Variants in TFEC observed in about 807,000 individuals in gnomAD.
TFEC encodes the protein transcription factor EC.
A neutral mutation model predicts 41.6 loss-of-function variants in TFEC; 31 were observed. The observed-to-expected ratio is 0.74, with a 90% CI of 0.56 to 1.01. The LOEUF (loss-of-function observed/expected upper bound fraction) is 1.01. Among genes scored for constraint, TFEC ranks in the 50% least tolerant of loss-of-function variants. The pLI is 0.00. For synonymous variants in TFEC, 143 were observed against 140.6 expected (o/e 1.02, Z -0.12); for missense variants, 402 against 404.1 (o/e 0.99, Z 0.04).
rs1161595993 is a variant in TFEC at position 115,940,480 on chromosome 7, A to C, written c.*71T>G. Reference sequence around the variant, plus strand: ...AAAAATAAGCCAAAGCAACATATGAAACACAGAGCATAATTGCATAGCACC... The same window carrying C: ...AAAAATAAGCCAAAGCAACATATGACACACAGAGCATAATTGCATAGCACC... On this transcript the variant is annotated 3_prime_UTR_variant, in exon 8 of 8. Transcript: ENST00000265440. The C allele has an allele frequency of 6.8e-7, 1 of 1,474,212 alleles. No homozygotes were observed. Among genetic ancestry groups the C allele is most frequent in the East Asian group, 2.3e-5 (1 of 43,432 alleles). The allele number at this position is 1,474,212 out of a possible 1,614,324, so 91.3% of individuals were successfully genotyped here. A position where few individuals can be genotyped will look rare whatever the true frequency, so the allele number is the denominator to read the frequency against.
At chr7:116,131,753 G>A (rs886940211) in intron 1 of TFEC, among the ~76,000 whole-genome samples, 21 of 152,006 alleles carry the variant, frequency 1.4e-4, no homozygotes, top group African/African-American at 4.1e-4. Context: ...TCCCCTTAAA[G>A]AGTTTGCTAA....
intron 3 of TFEC, among the ~76,000 whole-genome samples, chr7:116,097,451 T>C (rs1227443561): frequency 6.6e-6 from 1 of 152,164 alleles, no homozygotes; most frequent in Non-Finnish European, 1.5e-5. Context: ...ATCAATATTC[T>C]TGCATTTTTG....
chr7:116,150,804 A>G (rs1029312403), intron 1 of TFEC, among the ~76,000 whole-genome samples: 3 of 152,140 alleles, frequency 2.0e-5, no homozygotes, highest in African/African-American at 7.2e-5. Context: ...GAGGTAGAGT[A>G]AGGGTGATTG....
intron 3 of TFEC, among the ~76,000 whole-genome samples, chr7:116,068,071 T>C (rs1251144887): frequency 6.6e-6 from 1 of 151,904 alleles, no homozygotes; most frequent in African/African-American, 2.4e-5. Flanking sequence ...TTTTTCTTGC[T>C]TGTTTTGAAA....
At chr7:116,051,266 T>G (rs897238402) in intron 3 of TFEC, among the ~76,000 whole-genome samples, 2 of 152,226 alleles carry the variant, frequency 1.3e-5, no homozygotes, top group African/African-American at 4.8e-5. Context: ...CTGCACGTTG[T>G]GCACATGTAC....
chr7:116,002,871 A>C (rs1178634233), intron 1 of TFEC, among the ~76,000 whole-genome samples: 1 of 152,172 alleles, frequency 6.6e-6, no homozygotes, highest in African/African-American at 2.4e-5. Context: ...TATATTGCAA[A>C]CTCTAGGGCA....
chr7:116,028,900 CT>C (rs1275297199), intron 1 of TFEC, among the ~76,000 whole-genome samples: 1 of 151,554 alleles, frequency 6.6e-6, no homozygotes, highest in African/African-American at 2.4e-5. Context: ...ATTCAAACCA[CT>C]GTTTTCAAAA....
chr7:116,043,045 A>T (rs1290003703), intron 3 of TFEC, among the ~76,000 whole-genome samples: 1 of 152,188 alleles, frequency 6.6e-6, no homozygotes, highest in Non-Finnish European at 1.5e-5. Flanking sequence ...TATGCAAAAC[A>T]GGTTTTTTGG....
At chr7:115,974,336 C>T (rs1793271794) in intron 2 of TFEC, 80 bp from the exon 3 acceptor site, 1 of 1,100,238 alleles carries the variant, frequency 9.1e-7, no homozygotes, top group Non-Finnish European at 1.2e-6. Context: ...GAGAAAAATT[C>T]TAGCAATCTT....
intron 1 of TFEC, among the ~76,000 whole-genome samples, chr7:115,991,493 G>A (rs1051137970): frequency 6.6e-6 from 1 of 152,072 alleles, no homozygotes; most frequent in African/African-American, 2.4e-5. Flanking sequence ...CTCATGTGTA[G>A]AGACACACAT....
At chr7:115,967,103 T>C (rs1055306364) in intron 3 of TFEC, among the ~76,000 whole-genome samples, 29 of 151,620 alleles carry the variant, frequency 1.9e-4, no homozygotes, top group African/African-American at 7.0e-4. Context: ...TACATATATA[T>C]AATGTCCTAG....
chr7:116,158,002 T>TTA (rs1461263348), intron 1 of TFEC, among the ~76,000 whole-genome samples: 1 of 152,182 alleles, frequency 6.6e-6, no homozygotes, highest in East Asian at 1.9e-4. Flanking sequence ...ACAATATTTC[T>TTA]TTTAATATTT....
chr7:116,068,532 T>C (rs573665956), intron 3 of TFEC, among the ~76,000 whole-genome samples: 101 of 151,818 alleles, frequency 6.7e-4, no homozygotes, highest in African/African-American at 2.4e-3. Flanking sequence ...CCAAACAATA[T>C]GCCATAATGC....
At chr7:116,073,287 A>C (rs1796874286) in intron 3 of TFEC, among the ~76,000 whole-genome samples, 1 of 151,800 alleles carries the variant, frequency 6.6e-6, no homozygotes, top group Admixed American at 6.6e-5. Flanking sequence ...AAAGAAATGC[A>C]AGTTTGTATT....
Position 115,989,411 on chromosome 7 carries a change from G to A in TFEC, c.-72-4898C>T, listed in dbSNP as rs147188878. On this transcript the variant is annotated intron_variant, in intron 1 of 7. Coordinates refer to ENST00000265440, the MANE Select transcript of TFEC (RefSeq NM_012252.4). ...CACTGGGGCTTGTCAGACAGTGGGT[G>A]CAGCCCACGGAGTGTGAGCCAAAGA... Among the ~76,000 whole-genome samples, 1,172 of 152,282 alleles carry A rather than the reference G, an allele frequency of 7.7e-3. 25 individuals are homozygous for A. The highest frequency in any genetic ancestry group is 0.027 in the African/African-American group (1,116 of 41,564).
chr7:116,130,407 T>C (rs1798309258), intron 1 of TFEC, among the ~76,000 whole-genome samples: 1 of 152,110 alleles, frequency 6.6e-6, no homozygotes, highest in African/African-American at 2.4e-5. Flanking sequence ...GAGAAGGAGA[T>C]GAAAATGGTA....
chr7:115,984,181 T>G, intron 2 of TFEC, 81 bp downstream of exon 2: 1 of 1,522,958 alleles, frequency 6.6e-7, no homozygotes, highest in Non-Finnish European at 8.9e-7. Context: ...ATGTTTACTG[T>G]AAAATGTTGA....
In TFEC at chr7:115,946,541, G is replaced by A. The variant is rs1159840858; in HGVS notation, c.515+4333C>T. Among the ~76,000 whole-genome samples the A allele has an allele frequency of 5.3e-5, 8 of 150,824 alleles. 1 individual carries two copies. Among genetic ancestry groups the A allele is most frequent in the East Asian group, 2.0e-4 (1 of 5,076 alleles). On this transcript the variant is annotated intron_variant, in intron 6 of 7. Coordinates refer to ENST00000265440, the MANE Select transcript of TFEC (RefSeq NM_012252.4). ...AGTGATCCTTGTGTCTCAGCCTCCT[G>A]AGTAGCTTGGAGTACAGGTGCATGC... is the stretch of plus-strand genomic sequence containing the variant.
At chr7:115,987,904 G>A (rs1793929701) in intron 1 of TFEC, among the ~76,000 whole-genome samples, 1 of 152,046 alleles carries the variant, frequency 6.6e-6, no homozygotes, top group Non-Finnish European at 1.5e-5. Flanking sequence ...TTGCTAGGAG[G>A]TCAGAGCAGC....
Sources: allele counts gnomAD v4.1 joint callset (sites outside exome capture counted in the v4.1 genomes callset), GRCh38; gene constraint gnomAD v4.1.1; transcripts MANE v1.5; gene names NCBI Gene and HGNC (gene_info 2026-07-23, HGNC 2026-07-21).